LRRC75A: variants seen among roughly 807,000 people sequenced by gnomAD.
The protein encoded by LRRC75A is leucine rich repeat containing 75A, also known as leucine-rich repeat-containing protein 75A.
In LRRC75A, 12 loss-of-function variants were observed where a neutral mutation model predicts 26.0. The observed-to-expected ratio is 0.46, with a 90% CI of 0.30 to 0.75. LRRC75A has a LOEUF of 0.75. LRRC75A is among the 30% of genes least tolerant of loss of function. The pLI is 0.08. For synonymous variants in LRRC75A, 223 were observed against 219.3 expected (o/e 1.02, Z -0.15); for missense variants, 410 against 486.6 (o/e 0.84, Z 1.48).
At chr17:16,487,874 T>C (rs894159401) in intron 1 of LRRC75A, among the ~76,000 whole-genome samples, 61 of 152,142 alleles carry the variant, frequency 4.0e-4, no homozygotes, top group African/African-American at 1.4e-3. Flanking sequence ...CAAGTTAACA[T>C]AGGAACAGCC....
intron 1 of LRRC75A, among the ~76,000 whole-genome samples, chr17:16,489,766 C>T (rs1182452934): frequency 1.3e-5 from 2 of 152,226 alleles, no homozygotes; most frequent in East Asian, 1.9e-4. Context: ...GCCCTTGCAT[C>T]CCCAGCCAGG....
intron 1 of LRRC75A, among the ~76,000 whole-genome samples, chr17:16,468,415 G>A (rs1046509910): frequency 1.3e-5 from 2 of 152,246 alleles, no homozygotes; most frequent in African/African-American, 4.8e-5. Context: ...ACAGCATGGT[G>A]AACCTTGAGG....
chr17:16,451,934 A>AT (rs1568954294), intron 2 of LRRC75A, among the ~76,000 whole-genome samples: 4 of 90,954 alleles, frequency 4.4e-5, no homozygotes, highest in African/African-American at 1.5e-4. Flanking sequence ...TTTAGTAGAG[A>AT]CGGGGGGTCT....
intron 3 of LRRC75A, among the ~76,000 whole-genome samples, chr17:16,445,425 A>C (rs958676627): frequency 1.3e-5 from 2 of 152,038 alleles, no homozygotes; most frequent in Non-Finnish European, 2.9e-5. Context: ...TCAGCCTCCC[A>C]AAGTGCTGGG....
intron 1 of LRRC75A, among the ~76,000 whole-genome samples, chr17:16,485,631 AGTGTGTGTGTGTGT>A (rs35125617): frequency 1.1e-4 from 14 of 128,402 alleles, no homozygotes; most frequent in South Asian, 2.6e-4. Context: ...CAGGACAAGC[AGTGTGTGTGTGTGT>A]GTGTGTGTGT....
At chr17:16,486,464 A>G (rs1469071067) in intron 1 of LRRC75A, among the ~76,000 whole-genome samples, 1 of 152,218 alleles carries the variant, frequency 6.6e-6, no homozygotes, top group East Asian at 1.9e-4. Flanking sequence ...GCTCTGACAC[A>G]GGAATCCCTC....
At chr17:16,468,233 G>A (rs1490557832) in intron 1 of LRRC75A, among the ~76,000 whole-genome samples, 4 of 152,182 alleles carry the variant, frequency 2.6e-5, no homozygotes, top group African/African-American at 9.7e-5. Flanking sequence ...CCAAAGAACT[G>A]AAAGCAGGCA....
At chr17:16,467,349 C>A (rs1223194996) in intron 1 of LRRC75A, among the ~76,000 whole-genome samples, 1 of 151,996 alleles carries the variant, frequency 6.6e-6, no homozygotes, top group Non-Finnish European at 1.5e-5. Flanking sequence ...TGAAAACAAC[C>A]CTATGAATGT....
At position 16,444,004 on chromosome 17, in the gene LRRC75A, C is replaced by A. The variant is rs574897855; in HGVS notation, c.619G>T (p.Val207Leu). The A allele has an allele frequency of 6.2e-7, 1 of 1,613,786 alleles. No homozygotes were observed. The highest frequency in any genetic ancestry group is 1.1e-5 in the South Asian group (1 of 91,078). Residue 207 changes from valine (V) to leucine (L), a missense_variant, in exon 4 of 4, where the codon GTG (valine) becomes TTG (leucine). Transcript: ENST00000470794. Reference protein sequence around the residue: ...LQRCGEQVDSVELGFTGLTDD... With the variant: ...LQRCGEQVDSLELGFTGLTDD... Reference sequence around the variant, plus strand: ...GTGAGGCCTGTGAAGCCCAGCTCCACGCTGTCTACCTGCTCCCCACAGCGC... The same window carrying A: ...GTGAGGCCTGTGAAGCCCAGCTCCAAGCTGTCTACCTGCTCCCCACAGCGC...
At chr17:16,467,464 TTCAC>T (rs978184456) in intron 1 of LRRC75A, among the ~76,000 whole-genome samples, 23 of 152,192 alleles carry the variant, frequency 1.5e-4, no homozygotes, top group African/African-American at 4.8e-4. Flanking sequence ...GACTCACACC[TTCAC>T]TCTGTATTCC....
At chr17:16,472,912 G>C (rs957631938) in intron 1 of LRRC75A, among the ~76,000 whole-genome samples, 2 of 152,066 alleles carry the variant, frequency 1.3e-5, no homozygotes, top group Non-Finnish European at 2.9e-5. Context: ...AAGAACACTG[G>C]TTATGTTAAA....
intron 1 of LRRC75A, among the ~76,000 whole-genome samples, chr17:16,488,511 C>T (rs1391292111): frequency 6.6e-6 from 1 of 152,204 alleles, no homozygotes; most frequent in African/African-American, 2.4e-5. Flanking sequence ...AGCACCAACA[C>T]CATTTCATTC....
intron 3 of LRRC75A, among the ~76,000 whole-genome samples, chr17:16,445,929 G>A (rs1044618489): frequency 6.6e-6 from 1 of 152,174 alleles, no homozygotes; most frequent in Non-Finnish European, 1.5e-5. Context: ...GTTTCTTGGA[G>A]ATGGAGTCTC....
rs914910920 is a variant in LRRC75A at position 16,461,411 on chromosome 17, A to G, written c.375+847T>C. ...GATGAGACAGAAAAAAACCAAAGCAACAGAGAAGCGCTCAAGTGTGGAAAT... is the reference window on the plus strand; with the variant it reads ...GATGAGACAGAAAAAAACCAAAGCAGCAGAGAAGCGCTCAAGTGTGGAAAT... On this transcript the variant is annotated intron_variant, in intron 2 of 3. Coordinates refer to ENST00000470794, the MANE Select transcript of LRRC75A (RefSeq NM_001113567.3). Among the ~76,000 whole-genome samples the G allele has an allele frequency of 2.0e-5, 3 of 152,346 alleles. No homozygotes were observed. In the South Asian group the frequency reaches 6.2e-4, roughly 32 times the overall value.
intron 1 of LRRC75A, among the ~76,000 whole-genome samples, chr17:16,477,625 A>G (rs999010593): frequency 6.6e-6 from 1 of 152,232 alleles, no homozygotes; most frequent in African/African-American, 2.4e-5. Context: ...GGAGGGCAGA[A>G]GCCGGCCCAG....
intron 1 of LRRC75A, among the ~76,000 whole-genome samples, chr17:16,480,648 A>AAAC (rs1555893210): frequency 2.0e-5 from 3 of 151,580 alleles, no homozygotes; most frequent in African/African-American, 7.3e-5. Context: ...AAAAACAAAA[A>AAAC]AAAAAAACTG....
At chr17:16,473,646 C>T (rs375072231) in intron 1 of LRRC75A, among the ~76,000 whole-genome samples, 15 of 152,200 alleles carry the variant, frequency 9.9e-5, no homozygotes, top group East Asian at 5.8e-4. Flanking sequence ...ACCCACTCCC[C>T]GCTCCACCAG....
chr17:16,467,182 C>A (rs2093776077), intron 1 of LRRC75A, among the ~76,000 whole-genome samples: 1 of 152,156 alleles, frequency 6.6e-6, no homozygotes. Flanking sequence ...GAGACAAGGT[C>A]TTGCTCTGTC....
chr17:16,451,490 G>A (rs1264475284), intron 2 of LRRC75A, among the ~76,000 whole-genome samples: 5 of 151,806 alleles, frequency 3.3e-5, no homozygotes, highest in African/African-American at 4.8e-5. Flanking sequence ...GCGTGACGGC[G>A]GGCGCCTGTG....
Sources: gnomAD v4.1 joint callset for allele counts (sites outside exome capture counted in the v4.1 genomes callset) on GRCh38, gnomAD v4.1.1 for gene constraint, MANE v1.5 for transcripts, NCBI Gene and HGNC (gene_info 2026-07-23, HGNC 2026-07-21) for gene names.